The following GOT2 variants were observed in gnomAD, a reference collection of about 807,000 sequenced individuals.
GOT2 encodes glutamic-oxaloacetic transaminase 2.
In GOT2, 17 loss-of-function variants were observed where a neutral mutation model predicts 50.0. That is an observed-to-expected ratio of 0.34 (90% confidence interval 0.23 to 0.51). GOT2 has a LOEUF of 0.51. Ranked by LOEUF, GOT2 falls within the 20% of genes least tolerant of loss-of-function variation. The pLI, the probability that GOT2 is intolerant of heterozygous loss-of-function variation, is 0.97. For synonymous variants in GOT2, 172 were observed against 204.9 expected, an observed-to-expected ratio of 0.84 and a Z score of 1.37; for missense variants, 430 against 559.6, an observed-to-expected ratio of 0.77 and a Z score of 2.34.
At chr16:58,728,178 T>G (rs967143952) in intron 1 of GOT2, among the ~76,000 whole-genome samples, 1 of 152,198 alleles carries the variant, frequency 6.6e-6, no homozygotes, top group African/African-American at 2.4e-5. Flanking sequence ...TTCCAGTTTT[T>G]TGGATTTCCC....
chr16:58,734,020 T>C (rs1292485124), intron 1 of GOT2, 120 bp downstream of exon 1: 2 of 456,022 alleles, frequency 4.4e-6, no homozygotes, highest in Non-Finnish European at 7.2e-6. Flanking sequence ...AAAGTGTGTG[T>C]GTGTGCGTGT....
chr16:58,718,564 C>T lies in GOT2; in HGVS notation c.560G>A (p.Cys187Tyr), dbSNP rs775248832. 8 of 1,598,732 alleles carry T rather than the reference C, an allele frequency of 5.0e-6. No individual in the cohort carries two copies. The highest frequency in any genetic ancestry group is 2.2e-5 in the East Asian group (1 of 44,662). The change falls in exon 5 of 10, where the codon TGC becomes TAC. Residue 187 changes from cysteine (C) to tyrosine (Y), a missense_variant. Physicochemically the swap from Cys to Tyr is radical, Grantham distance 194 (BLOSUM62 -2). Transcript: ENST00000245206. Reference sequence around the variant, plus strand: ...CACAGCGCCTGTGAAGTCAAAACCGCAAGTCTTGGGGTCATAATACCGATA... The same window carrying T: ...CACAGCGCCTGTGAAGTCAAAACCGTAAGTCTTGGGGTCATAATACCGATA... ...QGYRYYDPKT[C>Y]GFDFTGAVED...
Position 58,716,216 on chromosome 16 carries a change from C to A in GOT2, c.854-37G>T, listed in dbSNP as rs752934144. 6.8e-5 allele frequency: 108 copies of A among 1,591,262 alleles called. 2 individuals are homozygous for A. The South Asian group carries it at 1.2e-3, about 17-fold the overall frequency. ...AAATGGATCTCGTCTTCTACTTCTA[C>A]TATCTAATGTGCTAAAGCAAATCAT... On this transcript the variant is annotated intron_variant, in intron 7 of 9. Coordinates refer to ENST00000245206, the MANE Select transcript of GOT2 (RefSeq NM_002080.4).
intron 1 of GOT2, among the ~76,000 whole-genome samples, chr16:58,729,928 A>G (rs189678879): frequency 6.6e-6 from 1 of 151,548 alleles, no homozygotes; most frequent in Middle Eastern, 3.2e-3. Context: ...TTTTTTTTTT[A>G]AAAATGTAAT....
At chr16:58,725,479 A>T (rs535442212) in intron 1 of GOT2, among the ~76,000 whole-genome samples, 1 of 152,322 alleles carries the variant, frequency 6.6e-6, no homozygotes, top group Non-Finnish European at 1.5e-5. Context: ...CAATGAATTG[A>T]TTAACAGATT....
At position 58,708,241 on chromosome 16, in the gene GOT2, A is replaced by G; in HGVS notation, c.1223T>C (p.Ile408Thr). The change falls in exon 10 of 10, where the codon ATC becomes ACC. Residue 408 changes from isoleucine to threonine, a missense_variant. Coordinates refer to ENST00000245206, the MANE Select transcript of GOT2 (RefSeq NM_002080.4). ...GCTGGAGGTGACCCCTGCCACAGAG[A>G]TGCGGCCATCTTTTGTCATGTAGAT... ...FSIYMTKDGR[I>T]SVAGVTSSNV... 6.2e-7 allele frequency: 1 copy of G among 1,614,036 alleles called. No homozygotes were observed. The highest frequency in any genetic ancestry group is 8.5e-7 in the Non-Finnish European group (1 of 1,179,896).
chr16:58,724,073 C>G (rs28463297), intron 1 of GOT2, among the ~76,000 whole-genome samples, 171 bp from the exon 2 acceptor site: 1 of 151,934 alleles, frequency 6.6e-6, no homozygotes, highest in Non-Finnish European at 1.5e-5. Context: ...CCCACTCCAG[C>G]CTCCCAAGTA....
At chr16:58,734,114 C>T (rs2152100289) in intron 1 of GOT2, 26 bp downstream of exon 1, 1 of 1,282,246 alleles carries the variant, frequency 7.8e-7, no homozygotes. Flanking sequence ...ATCGCCCTGG[C>T]TCCATCTCCG....
At chr16:58,727,961 T>G (rs1037728299) in intron 1 of GOT2, among the ~76,000 whole-genome samples, 11 of 131,254 alleles carry the variant, frequency 8.4e-5, no homozygotes, top group African/African-American at 3.4e-4. Context: ...GTGAATTACC[T>G]CATGAACATT....
At chr16:58,719,168 T>C in intron 4 of GOT2, 28 bp downstream of exon 4, 4 of 1,546,118 alleles carry the variant, frequency 2.6e-6, no homozygotes, top group Non-Finnish European at 3.6e-6. Flanking sequence ...AATTTATAAT[T>C]CTTTCCTGAA....
At chr16:58,720,578 ATTTTT>A (rs567374817) in intron 3 of GOT2, among the ~76,000 whole-genome samples, 1 of 141,028 alleles carries the variant, frequency 7.1e-6, no homozygotes, top group African/African-American at 2.6e-5. Flanking sequence ...AGGCACAACA[ATTTTT>A]TTTTTTTTTT....
At position 58,709,330 on chromosome 16, in the gene GOT2, T is replaced by G. The variant is rs906729043; in HGVS notation, c.1170+87A>C. 7.0e-6 allele frequency: 8 copies of G among 1,144,594 alleles called. No individual in the cohort carries two copies. In the African/African-American group the frequency reaches 1.1e-4, roughly 16 times the overall value. 70.9% of individuals were successfully genotyped at this position (1,144,594 alleles called of 1,614,324 possible). A position where few individuals can be genotyped will look rare whatever the true frequency, so the allele number is the denominator to read the frequency against. ...AAACAAAAAACCCGAAAACATTAAA[T>G]AAAAAAGAAAAAAGAAAAAAAAGTA... On this transcript the variant is annotated intron_variant, in intron 9 of 9. Transcript: ENST00000245206.
intron 2 of GOT2, among the ~76,000 whole-genome samples, chr16:58,722,792 T>C (rs554697080): frequency 2.9e-4 from 44 of 152,188 alleles, no homozygotes; most frequent in Non-Finnish European, 5.4e-4. Flanking sequence ...TTAAGTTAGG[T>C]TTTATGTGGA....
Position 58,734,291 on chromosome 16 carries a change from A to ACCC in GOT2, c.-64_-63insGGG. The ACCC allele has an allele frequency of 1.1e-6, 1 of 887,460 alleles. No individual in the cohort carries two copies. The highest frequency in any genetic ancestry group is 1.5e-6 in the Non-Finnish European group (1 of 660,548). The allele number at this position is 887,460 out of a possible 1,614,324, so 55.0% of individuals were successfully genotyped here. On this transcript the variant is annotated 5_prime_UTR_variant, in exon 1 of 10. Transcript: ENST00000245206. ...GAGCAGAGGGCGAGCGGACACACAC[A>ACCC]CAGGGAACCGGCTCCTGCTGAAGGT...
intron 8 of GOT2, among the ~76,000 whole-genome samples, chr16:58,709,928 T>G (rs2044632148): frequency 6.6e-6 from 1 of 152,216 alleles, no homozygotes; most frequent in Non-Finnish European, 1.5e-5. Flanking sequence ...ATAAATTACA[T>G]GAGACATTCA....
chr16:58,713,537 C>G (rs750073553), intron 8 of GOT2, among the ~76,000 whole-genome samples: 62 of 152,088 alleles, frequency 4.1e-4, no homozygotes, highest in Non-Finnish European at 7.5e-4. Flanking sequence ...CTATCCTGAA[C>G]CAGACTCTTA....
chr16:58,732,431 C>T (rs759750250), intron 1 of GOT2, among the ~76,000 whole-genome samples: 9 of 152,170 alleles, frequency 5.9e-5, no homozygotes, highest in Non-Finnish European at 1.0e-4. Context: ...GTTGTAAACA[C>T]CATTACACTT....
chr16:58,721,701 A>T (rs1182722778), intron 3 of GOT2: 11 of 152,544 alleles, frequency 7.2e-5, no homozygotes, highest in Admixed American at 5.2e-4. Flanking sequence ...TTTACTATCA[A>T]ATAAGAATTA....
chr16:58,715,988 G>C, intron 8 of GOT2, 26 bp downstream of exon 8: 5 of 1,584,394 alleles, frequency 3.2e-6, no homozygotes, highest in Non-Finnish European at 4.3e-6. Flanking sequence ...ACAGGTAGGT[G>C]GCTGGGGAGT....
Sources: gnomAD v4.1 joint callset for allele counts (sites outside exome capture counted in the v4.1 genomes callset) on GRCh38, gnomAD v4.1.1 for gene constraint, MANE v1.5 for transcripts, NCBI Gene and HGNC (gene_info 2026-07-23, HGNC 2026-07-21) for gene names.